The following CLECL1 variants were observed in gnomAD, a reference collection of about 807,000 sequenced individuals.
CLECL1 encodes C-type lectin like 1.
chr12:9,726,408 A>AATTATTTAAATTAGCAG (rs959184597), intron 3 of CLECL1, among the ~76,000 whole-genome samples: 1 of 152,104 alleles, frequency 6.6e-6, no homozygotes, highest in African/African-American at 2.4e-5. Flanking sequence ...ATAATTAGTG[A>AATTATTTAAATTAGCAG]ATTTAAAGAT....
intron 3 of CLECL1, among the ~76,000 whole-genome samples, chr12:9,724,608 T>C (rs745583890): frequency 2.6e-5 from 4 of 152,144 alleles, no homozygotes; most frequent in Non-Finnish European, 5.9e-5. Flanking sequence ...AAGGCAAGAT[T>C]TAACAGGAAA....
downstream of CLECL1, chr12:9,722,629 A>T: frequency 6.2e-7 from 1 of 1,604,882 alleles, no homozygotes; most frequent in Non-Finnish European, 8.5e-7. Context: ...GTCACCTCTA[A>T]ATGTTAAATC....
chr12:9,707,961 C>T, the CLECL1 span, among the ~76,000 whole-genome samples: 1 of 152,156 alleles, frequency 6.6e-6, no homozygotes, highest in Non-Finnish European at 1.5e-5. Context: ...CCATGTATGC[C>T]TCCATGTCGA....
the CLECL1 span, among the ~76,000 whole-genome samples, chr12:9,707,031 GA>G: frequency 4.3e-4 from 66 of 152,238 alleles, no homozygotes; most frequent in African/African-American, 1.5e-3. Flanking sequence ...CTCAATTTCA[GA>G]ACTCATGGTT....
chr12:9,703,142 A>T, the CLECL1 span, among the ~76,000 whole-genome samples: 2 of 152,224 alleles, frequency 1.3e-5, no homozygotes, highest in African/African-American at 2.4e-5. Flanking sequence ...ACAGTTTCTG[A>T]CTGCAATCCA....
chr12:9,726,488 G>A (rs2401393), intron 3 of CLECL1, among the ~76,000 whole-genome samples: 80,349 of 151,624 alleles, frequency 0.53, 21,547 homozygotes, highest in Middle Eastern at 0.6. Flanking sequence ...GGTGAAATGG[G>A]GGCTAGAAAG....
chr12:9,703,229 C>G, the CLECL1 span, among the ~76,000 whole-genome samples: 1 of 152,202 alleles, frequency 6.6e-6, no homozygotes, highest in East Asian at 1.9e-4. Context: ...AATGGACAAT[C>G]AAGATTTATG....
At chr12:9,724,481 C>A (rs1157231879) in intron 3 of CLECL1, among the ~76,000 whole-genome samples, 2 of 151,640 alleles carry the variant, frequency 1.3e-5, no homozygotes, top group African/African-American at 4.8e-5. Flanking sequence ...TGCTTTCAAA[C>A]GATGAAAAAA....
chr12:9,709,704 C>T, the CLECL1 span, among the ~76,000 whole-genome samples: 1 of 152,146 alleles, frequency 6.6e-6, no homozygotes, highest in Non-Finnish European at 1.5e-5. Flanking sequence ...GAAGCAGTAC[C>T]AGTGAATGAC....
chr12:9,730,585 T>C (rs1316538176), intron 1 of CLECL1, among the ~76,000 whole-genome samples: 1 of 152,244 alleles, frequency 6.6e-6, no homozygotes, highest in South Asian at 2.1e-4. Flanking sequence ...TTAAAAGAAG[T>C]CCACATATTT....
chr12:9,731,808 C>G (rs115189295), intron 1 of CLECL1, among the ~76,000 whole-genome samples: 2,503 of 152,220 alleles, frequency 0.016, 72 homozygotes, highest in African/African-American at 0.057. Context: ...AAAGTTCAAA[C>G]CATAGACAGA....
the CLECL1 span, among the ~76,000 whole-genome samples, chr12:9,705,167 T>C: frequency 6.6e-6 from 1 of 152,328 alleles, no homozygotes; most frequent in South Asian, 2.1e-4. Context: ...ATCAGTGATA[T>C]TGAGCTTTTT....
At chr12:9,733,133 T>C (rs1565484419), upstream of CLECL1, 5 of 1,614,070 alleles carry the variant, frequency 3.1e-6, no homozygotes, top group Non-Finnish European at 3.4e-6. Context: ...AGATGGCAAA[T>C]TTCCTTCTGC....
intron 1 of CLECL1, among the ~76,000 whole-genome samples, 164 bp downstream of exon 1, chr12:9,732,785 C>T (rs775181709): frequency 3.9e-5 from 6 of 152,330 alleles, no homozygotes; most frequent in East Asian, 3.9e-4. Context: ...TATGAACAGA[C>T]ATTTTGCTTC....
chr12:9,710,693 G>T, the CLECL1 span, among the ~76,000 whole-genome samples: 6 of 152,290 alleles, frequency 3.9e-5, no homozygotes, highest in Admixed American at 1.3e-4. Flanking sequence ...GGAACACACA[G>T]GGAGAGGAAC....
chr12:9,704,490 T>C, the CLECL1 span, among the ~76,000 whole-genome samples: 1 of 152,226 alleles, frequency 6.6e-6, no homozygotes, highest in African/African-American at 2.4e-5. Flanking sequence ...TGGAGATTTA[T>C]TGTACAGATT....
intron 3 of CLECL1, among the ~76,000 whole-genome samples, chr12:9,724,539 T>C (rs759653788): frequency 9.2e-5 from 14 of 152,236 alleles, no homozygotes; most frequent in Non-Finnish European, 1.6e-4. Context: ...CCAAATGAAA[T>C]TTAGAATTGA....
chr12:9,721,630 G>A (rs2192439), downstream of CLECL1, among the ~76,000 whole-genome samples: 8,965 of 152,270 alleles, frequency 0.059, 313 homozygotes, highest in Non-Finnish European at 0.083. Flanking sequence ...GAGATTCTTA[G>A]TGAAGTCATT....
downstream of CLECL1, among the ~76,000 whole-genome samples, chr12:9,712,741 A>G (rs1449482087): frequency 1.3e-5 from 2 of 152,162 alleles, no homozygotes; most frequent in Non-Finnish European, 2.9e-5. Flanking sequence ...TAGGCTTCCA[A>G]GAGTTTTAAT....
Sources: gnomAD v4.1 joint callset for allele counts (sites outside exome capture counted in the v4.1 genomes callset) on GRCh38, gnomAD v4.1.1 for gene constraint, MANE v1.5 for transcripts, NCBI Gene and HGNC (gene_info 2026-07-23, HGNC 2026-07-21) for gene names.